Variants in FARP2 observed in about 807,000 individuals in gnomAD.
FARP2 encodes FERM, ARHGEF and pleckstrin domain-containing protein 2.
Under a neutral mutation model 130.5 loss-of-function variants are expected in FARP2, and 111 were observed. The observed-to-expected ratio is 0.85, with a 90% CI of 0.73 to 1.00. The LOEUF is 1.00. FARP2 is among the 50% of genes least tolerant of loss of function. The pLI, the probability that FARP2 is intolerant of heterozygous loss-of-function variation, is 0.00. For missense variants in FARP2, 1,385 were observed against 1,346.3 expected, an observed-to-expected ratio of 1.03 and a Z score of -0.45; for synonymous variants, 504 against 516.9, an observed-to-expected ratio of 0.98 and a Z score of 0.34.
At chr2:241,471,703 G>A (rs1233662154) in intron 18 of FARP2, among the ~76,000 whole-genome samples, 4 of 151,936 alleles carry the variant, frequency 2.6e-5, no homozygotes, top group South Asian at 2.1e-4. Flanking sequence ...CACCGTGTTA[G>A]CCAGGATGGT....
intron 19 of FARP2, chr2:241,479,041 T>G (rs2064547704): frequency 3.7e-6 from 2 of 541,758 alleles, no homozygotes; most frequent in Non-Finnish European, 6.8e-6. Context: ...TTTCCCAAGA[T>G]GCAATGAACT....
At chr2:241,465,048 C>T (rs943002187) in intron 17 of FARP2, among the ~76,000 whole-genome samples, 4 of 152,168 alleles carry the variant, frequency 2.6e-5, no homozygotes, top group African/African-American at 9.7e-5. Flanking sequence ...GAACAGACTC[C>T]ACCTTAAAAC....
At chr2:241,477,506 G>A (rs2064504416) in intron 19 of FARP2, among the ~76,000 whole-genome samples, 2 of 152,188 alleles carry the variant, frequency 1.3e-5, no homozygotes, top group Non-Finnish European at 2.9e-5. Flanking sequence ...TGGACACTGG[G>A]TTATTTCCAC....
chr2:241,400,385 A>G (rs1376346148), intron 2 of FARP2, among the ~76,000 whole-genome samples: 1 of 152,170 alleles, frequency 6.6e-6, no homozygotes, highest in Non-Finnish European at 1.5e-5. Context: ...AGCTACTAGG[A>G]TGGAGAAGGT....
intron 11 of FARP2, 59 bp downstream of exon 11, chr2:241,435,089 T>A: frequency 1.0e-6 from 1 of 975,668 alleles, no homozygotes; most frequent in Non-Finnish European, 1.5e-6. Context: ...TTTAAATATA[T>A]ATATGGAGAG....
At chr2:241,369,205 AAAG>A in intron 1 of FARP2, among the ~76,000 whole-genome samples, 1 of 151,598 alleles carries the variant, frequency 6.6e-6, no homozygotes, top group East Asian at 1.9e-4. Flanking sequence ...TAAGCTAGGA[AAAG>A]TGTTTTTTAT....
At chr2:241,480,376 G>A (rs2064584096) in intron 19 of FARP2, among the ~76,000 whole-genome samples, 1 of 152,148 alleles carries the variant, frequency 6.6e-6, no homozygotes, top group African/African-American at 2.4e-5. Flanking sequence ...AGCCTTTCTA[G>A]AGGGCAGACT....
At position 241,468,370 on chromosome 2, in the gene FARP2, C is replaced by G; in HGVS notation, c.2124C>G (p.Asp708Glu). ...GCCCCGGGCACCATGACTACGCTGA[C>G]TGCCATGGTGAGTGTGGGTGCGGCC... ...HYSPGHHDYA[D>E]CHDALKAITE... is the part of the protein sequence containing the mutation. Residue 708 changes from aspartate (D) to glutamate (E), a missense_variant, in exon 18 of 27, where the codon GAC becomes GAG. Coordinates refer to ENST00000264042, the MANE Select transcript of FARP2 (RefSeq NM_014808.4). 2 of 1,609,750 alleles carry G rather than the reference C, an allele frequency of 1.2e-6. No homozygotes were observed. Among genetic ancestry groups the G allele is most frequent in the Non-Finnish European group, 1.7e-6 (2 of 1,177,084 alleles).
chr2:241,385,799 A>G (rs944991322), intron 2 of FARP2, among the ~76,000 whole-genome samples: 6 of 152,076 alleles, frequency 3.9e-5, no homozygotes, highest in Non-Finnish European at 8.8e-5. Context: ...ACGTCATATC[A>G]TCCATTTAAC....
At chr2:241,375,806 C>T (rs1224149525) in intron 2 of FARP2, among the ~76,000 whole-genome samples, 1 of 151,730 alleles carries the variant, frequency 6.6e-6, no homozygotes, top group African/African-American at 2.4e-5. Flanking sequence ...TTCCCCAGGC[C>T]AGCCTCTAAC....
At chr2:241,463,601 G>A (rs2064086352) in intron 16 of FARP2, 133 bp downstream of exon 16, 1 of 1,007,052 alleles carries the variant, frequency 9.9e-7, no homozygotes, top group East Asian at 2.5e-5. Context: ...AGGAGCCTGT[G>A]GGGAGAGGTA....
At chr2:241,378,639 G>T (rs536720910) in intron 2 of FARP2, among the ~76,000 whole-genome samples, 4 of 151,842 alleles carry the variant, frequency 2.6e-5, no homozygotes, top group Admixed American at 2.0e-4. Context: ...CAAACTCTTG[G>T]TCTCTAGCAA....
chr2:241,366,128 T>TATATATATACGTAC, intron 1 of FARP2, among the ~76,000 whole-genome samples: 1 of 115,398 alleles, frequency 8.7e-6, no homozygotes, highest in Non-Finnish European at 1.7e-5. Context: ...TATACGTATA[T>TATATATATACGTAC]ATATATATAT....
chr2:241,364,218 G>A (rs1575449270), intron 1 of FARP2, among the ~76,000 whole-genome samples: 2 of 152,314 alleles, frequency 1.3e-5, no homozygotes, highest in East Asian at 3.9e-4. Flanking sequence ...AGTTTTCAAC[G>A]TAACATTTCT....
intron 2 of FARP2, among the ~76,000 whole-genome samples, chr2:241,381,895 C>T (rs960966828): frequency 4.6e-5 from 7 of 152,206 alleles, no homozygotes; most frequent in African/African-American, 7.2e-5. Context: ...TCCTGCATGT[C>T]GAGCAAAGGC....
At chr2:241,429,947 G>A (rs995176449) in intron 8 of FARP2, among the ~76,000 whole-genome samples, 1 of 152,134 alleles carries the variant, frequency 6.6e-6, no homozygotes, top group East Asian at 1.9e-4. Flanking sequence ...ATTTTGTGGA[G>A]CGATACTTTG....
At chr2:241,489,221 G>A (rs968785466) in intron 21 of FARP2, 14 of 152,240 alleles carry the variant, frequency 9.2e-5, no homozygotes, top group African/African-American at 3.4e-4. Flanking sequence ...TAACTGGCTG[G>A]TCCTGGGGAC....
intron 18 of FARP2, among the ~76,000 whole-genome samples, chr2:241,472,143 C>T (rs2064336950): frequency 6.8e-6 from 1 of 148,010 alleles, no homozygotes; most frequent in South Asian, 2.1e-4. Flanking sequence ...TGAGGGGACC[C>T]TGTTCTGAGG....
chr2:241,477,884 T>C (rs1329234614), intron 19 of FARP2: 1 of 152,928 alleles, frequency 6.5e-6, no homozygotes, highest in East Asian at 1.9e-4. Context: ...TTCAAATCCT[T>C]TGCCCACCTT....
Sources: allele counts gnomAD v4.1 joint callset (sites outside exome capture counted in the v4.1 genomes callset), GRCh38; gene constraint gnomAD v4.1.1; transcripts MANE v1.5; gene names NCBI Gene and HGNC (gene_info 2026-07-23, HGNC 2026-07-21).